Variants in RBFOX3 observed in about 807,000 individuals in gnomAD.
RBFOX3 encodes RNA binding protein fox-1 homolog 3.
A neutral mutation model predicts 48.7 loss-of-function variants in RBFOX3; 17 were observed. The ratio of observed to expected loss-of-function variants is 0.35; its 90% CI spans 0.24 to 0.52. The LOEUF (loss-of-function observed/expected upper bound fraction) is 0.52. RBFOX3 is among the 20% of genes least tolerant of loss of function. RBFOX3 has a pLI of 0.94. For synonymous variants in RBFOX3, 212 were observed against 209.5 expected, an observed-to-expected ratio of 1.01 and a Z score of -0.10; for missense variants, 382 against 497.5, an observed-to-expected ratio of 0.77 and a Z score of 2.21.
At chr17:79,558,462 G>A (rs1453769776) in intron 1 of RBFOX3, among the ~76,000 whole-genome samples, 2 of 152,014 alleles carry the variant, frequency 1.3e-5, no homozygotes, top group Non-Finnish European at 2.9e-5. Flanking sequence ...GGGCCCCAGG[G>A]TGCTGGCGGA....
At chr17:79,227,600 C>T (rs1021769548) in intron 4 of RBFOX3, among the ~76,000 whole-genome samples, 3 of 152,154 alleles carry the variant, frequency 2.0e-5, no homozygotes, top group African/African-American at 7.2e-5. Context: ...TGGGGGATGG[C>T]GGCGTGGGGA....
intron 2 of RBFOX3, among the ~76,000 whole-genome samples, chr17:79,376,487 C>T (rs907768938): frequency 6.6e-6 from 1 of 152,178 alleles, no homozygotes; most frequent in East Asian, 1.9e-4. Flanking sequence ...AGGTGGGAAC[C>T]CCCACCCCAA....
intron 4 of RBFOX3, among the ~76,000 whole-genome samples, chr17:79,210,874 C>T (rs1454695482): frequency 6.9e-6 from 1 of 144,660 alleles, no homozygotes; most frequent in African/African-American, 2.6e-5. Flanking sequence ...GTCCTGGTCT[C>T]CTCTAGGCAG....
In RBFOX3 at chr17:79,242,863, A is replaced by G. The variant is rs2062593625; in HGVS notation, c.-73-7058T>C. Among the ~76,000 whole-genome samples, 1 of 152,044 alleles carries G rather than the reference A, an allele frequency of 6.6e-6. No homozygotes were observed. Among genetic ancestry groups the G allele is most frequent in the African/African-American group, 2.4e-5 (1 of 41,400 alleles). ...GAAGCCCGGGCAGGGCTCCACAGCA[A>G]CCTGCCTGGAGTCCCACCTTCAAGG... On this transcript the variant is annotated intron_variant, in intron 3 of 14. Coordinates refer to ENST00000693108, the MANE Select transcript of RBFOX3 (RefSeq NM_001350451.2). The surrounding 1 kb of genome is among the most constrained non-coding windows in gnomAD (Gnocchi z 5.8).
intron 1 of RBFOX3, among the ~76,000 whole-genome samples, chr17:79,498,223 C>T (rs2081850456): frequency 6.6e-6 from 1 of 152,198 alleles, no homozygotes. Context: ...CCCGCCATGA[C>T]ATCTGCCTTC....
At chr17:79,357,329 TA>T (rs1283464587) in intron 2 of RBFOX3, among the ~76,000 whole-genome samples, 22 of 152,182 alleles carry the variant, frequency 1.4e-4, no homozygotes, top group Admixed American at 2.0e-4. Flanking sequence ...TTCCAATGTT[TA>T]AAAAACTCTG....
At chr17:79,569,732 A>G (rs1379405791) in intron 1 of RBFOX3, among the ~76,000 whole-genome samples, 1 of 152,248 alleles carries the variant, frequency 6.6e-6, no homozygotes, top group Non-Finnish European at 1.5e-5. Context: ...GCCAAGGTCA[A>G]CATCTAAGAG....
At position 79,196,652 on chromosome 17, in the gene RBFOX3, A is replaced by T. The variant is rs568420605; in HGVS notation, c.-34+39114T>A. 2.2e-3 allele frequency among the ~76,000 whole-genome samples: 335 copies of T among 152,198 alleles called. 4 individuals carry two copies. The highest frequency in any genetic ancestry group is 7.7e-3 in the African/African-American group (319 of 41,522). On this transcript the variant is annotated intron_variant, in intron 4 of 14. Coordinates refer to ENST00000693108, the MANE Select transcript of RBFOX3 (RefSeq NM_001350451.2). The stretch of plus-strand genomic sequence containing the variant: ...GATGAAATTTCCTCTCTTCACCCGG[A>T]TGGACTGCACTTGCCCTGCTCATCT...
At chr17:79,613,522 T>G (rs1219134699), upstream of RBFOX3, among the ~76,000 whole-genome samples, 1 of 152,194 alleles carries the variant, frequency 6.6e-6, no homozygotes, top group Non-Finnish European at 1.5e-5. Flanking sequence ...AAACTTTAAT[T>G]TTTAAAAAGT....
At chr17:79,288,258 G>A (rs2072433800) in intron 3 of RBFOX3, among the ~76,000 whole-genome samples, 1 of 152,188 alleles carries the variant, frequency 6.6e-6, no homozygotes, top group African/African-American at 2.4e-5. Flanking sequence ...TTCTTTGGAA[G>A]TCTGTTTTGA....
intron 2 of RBFOX3, among the ~76,000 whole-genome samples, chr17:79,342,642 T>C (rs1204720749): frequency 6.6e-6 from 1 of 151,582 alleles, no homozygotes. Flanking sequence ...AAGGATGACC[T>C]GGAGGAACTG....
intron 2 of RBFOX3, among the ~76,000 whole-genome samples, chr17:79,437,084 T>C (rs1335080686): frequency 6.6e-6 from 1 of 152,096 alleles, no homozygotes; most frequent in Non-Finnish European, 1.5e-5. Context: ...ACAGGGACCT[T>C]TGAGTGCTCA....
intron 4 of RBFOX3, among the ~76,000 whole-genome samples, chr17:79,178,567 G>A (rs545279543): frequency 1.2e-4 from 18 of 152,232 alleles, no homozygotes; most frequent in South Asian, 6.2e-4. Flanking sequence ...CCAGTGCCTC[G>A]GTTTCTCCAA....
intron 3 of RBFOX3, among the ~76,000 whole-genome samples, chr17:79,276,020 C>A (rs2068733161): frequency 6.6e-6 from 1 of 152,230 alleles, no homozygotes; most frequent in Non-Finnish European, 1.5e-5. Flanking sequence ...TCCATCCACA[C>A]AATGGAATTG....
At position 79,362,925 on chromosome 17, in the gene RBFOX3, C is replaced by A. The variant is rs1013598775; in HGVS notation, c.-174-55101G>T. On this transcript the variant is annotated intron_variant, in intron 2 of 14. Coordinates refer to ENST00000693108, the MANE Select transcript of RBFOX3 (RefSeq NM_001350451.2). This position sits in a 1 kb window ranked among gnomAD's most constrained non-coding sequence, Gnocchi z 4.2. ...AGAGGTCCCACTCCCCAATCTATAT[C>A]CCCAAATGCTGGTGATGTCCTGTCC... Among the ~76,000 whole-genome samples, 1 of 152,222 alleles carries A rather than the reference C, an allele frequency of 6.6e-6. No individual in the cohort carries two copies. The highest frequency in any genetic ancestry group is 2.4e-5 in the African/African-American group (1 of 41,460).
chr17:79,283,883 A>T (rs1197636656), intron 3 of RBFOX3, among the ~76,000 whole-genome samples: 1 of 152,158 alleles, frequency 6.6e-6, no homozygotes, highest in Non-Finnish European at 1.5e-5. Flanking sequence ...CTGTTTCAGT[A>T]CTTATAAATG....
chr17:79,140,779 C>T (rs1489737552), intron 4 of RBFOX3, among the ~76,000 whole-genome samples: 2 of 152,258 alleles, frequency 1.3e-5, no homozygotes, highest in Non-Finnish European at 2.9e-5. Flanking sequence ...TTTAACTGTG[C>T]TGGGCATGCC....
chr17:79,377,074 A>G (rs1339414801), intron 2 of RBFOX3, among the ~76,000 whole-genome samples: 1 of 152,076 alleles, frequency 6.6e-6, no homozygotes, highest in Non-Finnish European at 1.5e-5. Flanking sequence ...AACACCCTAG[A>G]CCAAAATACA....
At chr17:79,292,572 ACACACACACATG>A (rs1304408939) in intron 3 of RBFOX3, among the ~76,000 whole-genome samples, 30 of 133,290 alleles carry the variant, frequency 2.3e-4, no homozygotes, top group Admixed American at 2.1e-3. Context: ...CTGTACACAC[ACACACACACATG>A]CACACACACA....
Sources: gnomAD v4.1 joint callset for allele counts (sites outside exome capture counted in the v4.1 genomes callset) on GRCh38, gnomAD v4.1.1 for gene constraint, Gnocchi (gnomAD v3.1) non-coding constraint, MANE v1.5 for transcripts, NCBI Gene and HGNC (gene_info 2026-07-23, HGNC 2026-07-21) for gene names.